Variants in UNC5CL observed in about 807,000 individuals in gnomAD.
UNC5CL encodes UNC5C-like protein.
UNC5CL carries 42 observed loss-of-function variants against 54.1 expected under a neutral mutation model. That is an observed-to-expected ratio of 0.78 (90% CI 0.61 to 1.00). UNC5CL has a LOEUF of 1.00. Ranked by LOEUF, UNC5CL falls within the 50% of genes least tolerant of loss-of-function variation. The pLI is 0.00. For synonymous variants in UNC5CL, 285 were observed against 285.1 expected, an observed-to-expected ratio of 1.00 and a Z score of 0.00; for missense variants, 619 against 675.6, an observed-to-expected ratio of 0.92 and a Z score of 0.93.
At chr6:41,030,602 A>G in intron 7 of UNC5CL, 53 bp downstream of exon 7, 3 of 1,608,266 alleles carry the variant, frequency 1.9e-6, no homozygotes, top group Non-Finnish European at 2.6e-6. Flanking sequence ...TGTGGGTGCC[A>G]GGGTAGGAAC....
intron 3 of UNC5CL, chr6:41,033,504 T>C (rs1762480972): frequency 2.1e-6 from 1 of 479,248 alleles, no homozygotes; most frequent in African/African-American, 1.9e-5. Flanking sequence ...AGGACAGAGA[T>C]GGAATGGAGT....
chr6:41,035,212 T>C (rs1046352639), intron 1 of UNC5CL, 77 bp from the exon 2 acceptor site: 2 of 1,126,226 alleles, frequency 1.8e-6, no homozygotes, highest in African/African-American at 3.1e-5. Context: ...TACACATAGC[T>C]GCAAGTTGTC....
chr6:41,028,573 G>A lies in UNC5CL; in HGVS notation c.1357C>T (p.Pro453Ser). The A allele has an allele frequency of 6.2e-7, 1 of 1,613,556 alleles. No homozygotes were observed. Among genetic ancestry groups the A allele is most frequent in the South Asian group, 1.1e-5 (1 of 91,076 alleles). ...KIRFLSCQRS[P>S]AAAILELFEE... Reference sequence around the variant, plus strand: ...AACAACTCCAGGATGGCCGCTGCGGGGCTGCGCTGGCAGGACAGGAACCTG... The same window carrying A: ...AACAACTCCAGGATGGCCGCTGCGGAGCTGCGCTGGCAGGACAGGAACCTG... The change falls in exon 9 of 9, where the codon CCC becomes TCC. Residue 453 changes from proline to serine, a missense_variant. Coordinates refer to ENST00000244565, the MANE Select transcript of UNC5CL (RefSeq NM_173561.3). The surrounding 1 kb of genome is among the most constrained non-coding windows in gnomAD (Gnocchi z 4.3).
intron 8 of UNC5CL, 96 bp downstream of exon 8, chr6:41,030,292 A>G (rs1762437429): frequency 8.4e-7 from 1 of 1,188,222 alleles, no homozygotes; most frequent in African/African-American, 1.5e-5. Context: ...CTTTTAAGTC[A>G]CTCCCTTGCC....
chr6:41,030,156 G>A (rs1216786649), intron 8 of UNC5CL, among the ~76,000 whole-genome samples: 1 of 152,186 alleles, frequency 6.6e-6, no homozygotes, highest in Non-Finnish European at 1.5e-5. Context: ...CCATGTTAAT[G>A]GATTCACTGT....
At chr6:41,033,393 C>G (rs1390412034) in intron 3 of UNC5CL, among the ~76,000 whole-genome samples, 1 of 152,142 alleles carries the variant, frequency 6.6e-6, no homozygotes, top group South Asian at 2.1e-4. Flanking sequence ...TCAGGGTGAC[C>G]ATGCTTGGGA....
rs1762413527 is a variant in UNC5CL, at chr6:41,028,410, CGGGCGCCCCCGCGCTCGGGGCCT to C, written c.1497_1519del (p.Pro501Ter). On this transcript the variant is annotated frameshift_variant, in exon 9 of 9. Coordinates refer to ENST00000244565, the MANE Select transcript of UNC5CL (RefSeq NM_173561.3). LOFTEE classifies it high-confidence loss of function. This position sits in a 1 kb window ranked among gnomAD's most constrained non-coding sequence, Gnocchi z 4.3. ...GTCCAGCTCCAGGCCCTGGTTATCC[CGGGCGCCCCCGCGCTCGGGGCCT>C]GGGCTGCCGCCGTGTGTCCCACTCA... 6.2e-7 allele frequency: 1 copy of C among 1,606,712 alleles called. No individual in the cohort carries two copies. The highest frequency in any genetic ancestry group is 8.5e-7 in the Non-Finnish European group (1 of 1,176,976).
At chr6:41,033,318 G>C (rs1762478359) in intron 3 of UNC5CL, among the ~76,000 whole-genome samples, 172 bp from the exon 4 acceptor site, 1 of 152,124 alleles carries the variant, frequency 6.6e-6, no homozygotes, top group Non-Finnish European at 1.5e-5. Flanking sequence ...TGAAAAGTGA[G>C]CATGTCACAG....
In UNC5CL at chr6:41,028,645, TC is replaced by T. The variant is rs757086571; in HGVS notation, c.1335-51del. On this transcript the variant is annotated intron_variant, in intron 8 of 8. Transcript: ENST00000244565. This position sits in a 1 kb window ranked among gnomAD's most constrained non-coding sequence, Gnocchi z 4.3. ...GAAGGGTGTAGGAGCAGGGAGGGGC[TC>T]CCCCCCTGCTGCAGGCTCCCTGGGC... 2.2e-5 allele frequency: 34 copies of T among 1,534,414 alleles called. No individual in the cohort carries two copies. Among genetic ancestry groups the T allele is most frequent in the East Asian group, 4.5e-5 (2 of 43,990 alleles).
intron 5 of UNC5CL, 113 bp from the exon 6 acceptor site, chr6:41,031,861 T>C: frequency 7.8e-7 from 1 of 1,287,016 alleles, no homozygotes; most frequent in Non-Finnish European, 1.1e-6. Context: ...GAAGCTGGGG[T>C]CCAACACTCC....
rs778473733 is a variant in UNC5CL at position 41,032,930 on chromosome 6, A to G, written c.903T>C (p.Asn301=). The change falls in exon 4 of 9, where the codon AAT becomes AAC. Residue 301 remains asparagine, a synonymous_variant. Coordinates refer to ENST00000244565, the MANE Select transcript of UNC5CL (RefSeq NM_173561.3). ...TCAGGCACTGGTCGCCCCTAGCCCC[A>G]TTGAAGTCGAAGAGCTGGCAGGGCC... ...LRGPCQLFDF[N]GARGDQCLKL... is the part of the protein sequence containing the mutation. The G allele has an allele frequency of 2.3e-5, 37 of 1,605,604 alleles. No homozygotes were observed. The highest frequency in any genetic ancestry group is 3.0e-5 in the Non-Finnish European group (35 of 1,176,132).
chr6:41,038,719 A>G (rs1319130692), intron 1 of UNC5CL, among the ~76,000 whole-genome samples: 1 of 152,158 alleles, frequency 6.6e-6, no homozygotes, highest in East Asian at 1.9e-4. Context: ...CCGAAACGAG[A>G]GTCCTTTAGA....
Position 41,033,822 on chromosome 6 carries a change from A to G in UNC5CL, c.686+59T>C, listed in dbSNP as rs1403874980. ...GATAAGGCAGACAGAGAAAGTGGGC[A>G]GGAAAGACAGTCCTCAGAGAGATGG... is the stretch of plus-strand genomic sequence containing the variant. On this transcript the variant is annotated intron_variant, in intron 3 of 8. Coordinates refer to ENST00000244565, the MANE Select transcript of UNC5CL (RefSeq NM_173561.3). The G allele has an allele frequency of 1.9e-6, 3 of 1,543,164 alleles. No homozygotes were observed. In the African/African-American group the frequency reaches 4.1e-5, roughly 21 times the overall value.
chr6:41,036,468 T>G (rs1762525162), intron 1 of UNC5CL, among the ~76,000 whole-genome samples: 1 of 152,220 alleles, frequency 6.6e-6, no homozygotes. Flanking sequence ...AAACTTTGTA[T>G]TTTTTTAAAT....
rs1334673726 is a variant in UNC5CL at position 41,029,822 on chromosome 6, C to CA, written c.1334+565dup. On this transcript the variant is annotated intron_variant, in intron 8 of 8. Coordinates refer to ENST00000244565, the MANE Select transcript of UNC5CL (RefSeq NM_173561.3). This position sits in a 1 kb window ranked among gnomAD's most constrained non-coding sequence, Gnocchi z 4.1. ...TTGCACTCCAGCCTGGGCGACAGAG[C>CA]AAGACTCCGTCTCAAATAATGATAA... is the stretch of plus-strand genomic sequence containing the variant. Among the ~76,000 whole-genome samples, 2 of 152,118 alleles carry CA rather than the reference C, an allele frequency of 1.3e-5. No homozygotes were observed. Among genetic ancestry groups the CA allele is most frequent in the Non-Finnish European group, 2.9e-5 (2 of 68,024 alleles).
intron 1 of UNC5CL, among the ~76,000 whole-genome samples, chr6:41,037,916 G>C (rs1437595124): frequency 1.3e-5 from 2 of 152,210 alleles, no homozygotes; most frequent in African/African-American, 4.8e-5. Context: ...CTGTGTTAAA[G>C]CACTCTCCAT....
chr6:41,034,017 A>G lies in UNC5CL; in HGVS notation c.550T>C (p.Cys184Arg). The change falls in exon 3 of 9, where the codon TGT becomes CGT. Residue 184 changes from cysteine to arginine, a missense_variant. Cys to Arg is a radical substitution (Grantham distance 180). Transcript: ENST00000244565. ...LKPCTLTFKH[C>R]AEQPSHARTY... The stretch of plus-strand genomic sequence containing the variant: ...CGAGCATGGCTGGGCTGCTCGGCAC[A>G]GTGTTTGAACGTGAGAGTGCAAGGC... 6.2e-7 allele frequency: 1 copy of G among 1,614,200 alleles called. No homozygotes were observed. Among genetic ancestry groups the G allele is most frequent in the Non-Finnish European group, 8.5e-7 (1 of 1,180,018 alleles).
chr6:41,034,591 A>G, intron 2 of UNC5CL, 99 bp downstream of exon 2: 13 of 1,403,076 alleles, frequency 9.3e-6, no homozygotes, highest in Non-Finnish European at 1.3e-5. Flanking sequence ...AACAATTATC[A>G]GAAGTAAAAG....
Position 41,033,948 on chromosome 6 carries a change from T to C in UNC5CL, c.619A>G (p.Arg207Gly), listed in dbSNP as rs772568558. 1 of 1,614,084 alleles carries C rather than the reference T, an allele frequency of 6.2e-7. No homozygotes were observed. The highest frequency in any genetic ancestry group is 1.3e-5 in the African/African-American group (1 of 75,032). Residue 207 changes from arginine to glycine, a missense_variant, in exon 3 of 9, where the codon AGG becomes GGG. Coordinates refer to ENST00000244565, the MANE Select transcript of UNC5CL (RefSeq NM_173561.3). ...TGGGCCCCCGGCCGCCCCAGGGGCCTCCATACCTTGGCATCCAGCAGGGTA... is the reference window on the plus strand; with the variant it reads ...TGGGCCCCCGGCCGCCCCAGGGGCCCCCATACCTTGGCATCCAGCAGGGTA... ...NTTLLDAKVW[R>G]PLGRPGAHAS...
Sources: allele counts gnomAD v4.1 joint callset (sites outside exome capture counted in the v4.1 genomes callset), GRCh38; gene constraint gnomAD v4.1.1; non-coding constraint Gnocchi (gnomAD v3.1); transcripts MANE v1.5; gene names NCBI Gene and HGNC (gene_info 2026-07-23, HGNC 2026-07-21).